Variants in AGBL4 observed in about 807,000 individuals in gnomAD.
AGBL4 encodes AGBL carboxypeptidase 4, also known as cytosolic carboxypeptidase 6.
In AGBL4, 58 loss-of-function variants were observed where a neutral mutation model predicts 66.4. That is an observed-to-expected ratio of 0.87 (90% CI 0.71 to 1.09). The LOEUF is 1.09. AGBL4 is among the 50% of genes least tolerant of loss of function. AGBL4 has a pLI of 0.00. For synonymous variants in AGBL4, 234 were observed against 222.9 expected (o/e 1.05, Z -0.44); for missense variants, 579 against 631.0 (o/e 0.92, Z 0.88).
intron 3 of AGBL4, among the ~76,000 whole-genome samples, chr1:49,531,752 T>G (rs1651158511): frequency 6.6e-6 from 1 of 152,120 alleles, no homozygotes; most frequent in African/African-American, 2.4e-5. Flanking sequence ...AGCAGATCTT[T>G]AATTTGAATG....
intron 4 of AGBL4, among the ~76,000 whole-genome samples, chr1:49,240,042 A>G (rs1651095514): frequency 6.6e-6 from 1 of 152,024 alleles, no homozygotes; most frequent in African/African-American, 2.4e-5. Context: ...CAAGTAAAAT[A>G]TAAATTTTTG....
chr1:49,438,797 C>G (rs1268016728), intron 3 of AGBL4, among the ~76,000 whole-genome samples: 9 of 152,118 alleles, frequency 5.9e-5, no homozygotes, highest in Admixed American at 5.9e-4. Flanking sequence ...TTTTGTGTTG[C>G]TATAACAGAA....
intron 6 of AGBL4, among the ~76,000 whole-genome samples, chr1:48,719,785 C>T (rs865787528): frequency 1.3e-5 from 2 of 152,306 alleles, no homozygotes; most frequent in Non-Finnish European, 1.5e-5. Flanking sequence ...TGAAGCCTTC[C>T]ATTTTATGGA....
chr1:49,065,070 C>G (rs1172910638), intron 4 of AGBL4, among the ~76,000 whole-genome samples: 1 of 152,114 alleles, frequency 6.6e-6, no homozygotes, highest in Non-Finnish European at 1.5e-5. Context: ...TATTTTACCT[C>G]TATGTAGGAG....
chr1:49,908,078 AG>A (rs1650451030), intron 1 of AGBL4, among the ~76,000 whole-genome samples: 1 of 152,224 alleles, frequency 6.6e-6, no homozygotes, highest in South Asian at 2.1e-4. Flanking sequence ...AACTTTGTTA[AG>A]AAAGTGTCTC....
At chr1:49,544,013 T>G (rs1410898757) in intron 3 of AGBL4, among the ~76,000 whole-genome samples, 2 of 152,170 alleles carry the variant, frequency 1.3e-5, no homozygotes, top group African/African-American at 4.8e-5. Context: ...TTGCCATTTT[T>G]CATACACGTG....
chr1:49,838,980 G>T (rs1645922320), intron 2 of AGBL4, among the ~76,000 whole-genome samples: 1 of 152,166 alleles, frequency 6.6e-6, no homozygotes, highest in South Asian at 2.1e-4. Context: ...CTTGAAAAGA[G>T]CAGTTGAAGA....
intron 3 of AGBL4, among the ~76,000 whole-genome samples, chr1:49,578,364 G>A (rs1463614185): frequency 6.6e-6 from 1 of 152,094 alleles, no homozygotes; most frequent in Non-Finnish European, 1.5e-5. Context: ...GACTGCAAAT[G>A]GCCCAGACCC....
intron 3 of AGBL4, among the ~76,000 whole-genome samples, chr1:49,621,085 G>A (rs980231815): frequency 4.6e-5 from 7 of 152,180 alleles, no homozygotes; most frequent in South Asian, 2.1e-4. Flanking sequence ...CCCATGCCAC[G>A]CCAGAATGAC....
intron 6 of AGBL4, among the ~76,000 whole-genome samples, chr1:48,677,635 G>C (rs1265206465): frequency 6.6e-6 from 1 of 152,218 alleles, no homozygotes; most frequent in Non-Finnish European, 1.5e-5. Context: ...ATGATGAGCA[G>C]CTGCGACGTC....
chr1:48,816,079 GTGTGTGTGTGTGT>G (rs1336759465), intron 6 of AGBL4, among the ~76,000 whole-genome samples: 4 of 150,086 alleles, frequency 2.7e-5, no homozygotes, highest in African/African-American at 5.0e-5. Context: ...GTGTGTGTGT[GTGTGTGTGTGTGT>G]AGAGAGAAAG....
At chr1:48,648,112 G>C (rs1331318303) in intron 8 of AGBL4, among the ~76,000 whole-genome samples, 1 of 152,048 alleles carries the variant, frequency 6.6e-6, no homozygotes, top group Non-Finnish European at 1.5e-5. Context: ...GGGTTTGATG[G>C]CATTAAACAC....
chr1:48,997,303 G>A (rs186220185), intron 5 of AGBL4, among the ~76,000 whole-genome samples: 30 of 152,204 alleles, frequency 2.0e-4, no homozygotes, highest in Admixed American at 1.7e-3. Context: ...ACAGGCAGTT[G>A]GACTTAGAGA....
chr1:48,989,389 T>C (rs1660431562), intron 5 of AGBL4, among the ~76,000 whole-genome samples: 1 of 152,136 alleles, frequency 6.6e-6, no homozygotes, highest in Admixed American at 6.6e-5. Flanking sequence ...ATTATACTTT[T>C]TAAGTTATTT....
Position 49,716,616 on chromosome 1 carries a change from G to A in AGBL4, c.158-19179C>T, listed in dbSNP as rs138136439. 7.7e-3 allele frequency among the ~76,000 whole-genome samples: 1,173 copies of A among 152,102 alleles called. 4 individuals carry two copies. Among genetic ancestry groups the A allele is most frequent in the Non-Finnish European group, 0.012 (822 of 68,004 alleles). On this transcript the variant is annotated intron_variant, in intron 2 of 13. Transcript: ENST00000371839. ...GCTTCATCCCTGGCATGCAACGCTGGTTCAACATACGCAAATCAATAAACA... is the reference window on the plus strand; with the variant it reads ...GCTTCATCCCTGGCATGCAACGCTGATTCAACATACGCAAATCAATAAACA...
intron 8 of AGBL4, among the ~76,000 whole-genome samples, chr1:48,651,569 C>T (rs921593540): frequency 2.6e-5 from 4 of 152,202 alleles, no homozygotes; most frequent in Non-Finnish European, 4.4e-5. Context: ...GGAAAAGCAT[C>T]ACTCTCAGGC....
chr1:49,222,907 G>A (rs1025133300), intron 4 of AGBL4, among the ~76,000 whole-genome samples: 1 of 152,010 alleles, frequency 6.6e-6, no homozygotes, highest in Non-Finnish European at 1.5e-5. Context: ...TTTTATTTGA[G>A]GGAAGACCTA....
intron 13 of AGBL4, 130 bp from the exon 14 acceptor site, chr1:48,534,423 C>G: frequency 7.8e-7 from 1 of 1,288,670 alleles, no homozygotes; most frequent in South Asian, 1.6e-5. Flanking sequence ...GTCTTCTTCC[C>G]ACAGACACTA....
At chr1:48,774,889 ACT>A (rs1645001584) in intron 6 of AGBL4, among the ~76,000 whole-genome samples, 1 of 152,074 alleles carries the variant, frequency 6.6e-6, no homozygotes, top group African/African-American at 2.4e-5. Flanking sequence ...CTTATCACTG[ACT>A]CTCTTTAACA....
Sources: gnomAD v4.1 joint callset for allele counts (sites outside exome capture counted in the v4.1 genomes callset) on GRCh38, gnomAD v4.1.1 for gene constraint, MANE v1.5 for transcripts, NCBI Gene and HGNC (gene_info 2026-07-23, HGNC 2026-07-21) for gene names.